THAP8: variants seen among roughly 807,000 people sequenced by gnomAD.
The protein encoded by THAP8 is THAP domain containing 8.
In THAP8, 24 loss-of-function variants were observed where a neutral mutation model predicts 25.0. The ratio of observed to expected loss-of-function variants is 0.96; its 90% confidence interval spans 0.69 to 1.35. The LOEUF (loss-of-function observed/expected upper bound fraction) is 1.35. Among genes scored for constraint, THAP8 ranks in the 40% most tolerant of loss-of-function variants. The pLI is 0.00. For synonymous variants in THAP8, 169 were observed against 157.6 expected (o/e 1.07, Z -0.54); for missense variants, 399 against 368.8 (o/e 1.08, Z -0.67).
At chr19:36,046,936 C>T (rs574702347) in intron 1 of THAP8, among the ~76,000 whole-genome samples, 5 of 152,204 alleles carry the variant, frequency 3.3e-5, no homozygotes, top group African/African-American at 9.6e-5. Context: ...ATGGAAGGGA[C>T]GATCAACAGG....
intron 1 of THAP8, among the ~76,000 whole-genome samples, chr19:36,042,708 T>TC (rs1446260070): frequency 6.6e-6 from 1 of 152,176 alleles, no homozygotes; most frequent in Non-Finnish European, 1.5e-5. Flanking sequence ...TATCAACAGA[T>TC]ACATGGATAA....
chr19:36,052,720 A>G lies in THAP8; in HGVS notation c.83+1415T>C, dbSNP rs148891581. ...TCCTTATCTGAAGCTCCAAACCTGG[A>G]TTGTAAATAGGGACTGCTTTTCTGT... is the stretch of plus-strand genomic sequence containing the variant. On this transcript the variant is annotated intron_variant, in intron 1 of 3. Coordinates refer to ENST00000292894, the MANE Select transcript of THAP8 (RefSeq NM_152658.3). Among the ~76,000 whole-genome samples, 814 of 152,308 alleles carry G rather than the reference A, an allele frequency of 5.3e-3. 7 individuals are homozygous for G. Among genetic ancestry groups the G allele is most frequent in the African/African-American group, 0.018 (742 of 41,570 alleles).
At chr19:36,044,001 G>A (rs577767499) in intron 1 of THAP8, among the ~76,000 whole-genome samples, 3 of 152,064 alleles carry the variant, frequency 2.0e-5, no homozygotes, top group Admixed American at 6.6e-5. Flanking sequence ...TCCGGTTTCC[G>A]GGTGCCACTT....
At chr19:36,037,775 G>A (rs897280744) in intron 3 of THAP8, among the ~76,000 whole-genome samples, 2 of 152,098 alleles carry the variant, frequency 1.3e-5, no homozygotes, top group Admixed American at 6.6e-5. Context: ...GAGTAGCTGG[G>A]ATTACAGACG....
At chr19:36,052,913 A>G (rs1409344883) in intron 1 of THAP8, among the ~76,000 whole-genome samples, 2 of 152,206 alleles carry the variant, frequency 1.3e-5, no homozygotes, top group African/African-American at 4.8e-5. Flanking sequence ...TTACATCTGC[A>G]GTATGTCCAA....
chr19:36,037,235 T>C (rs1019464615), intron 3 of THAP8, among the ~76,000 whole-genome samples: 16 of 114,672 alleles, frequency 1.4e-4, no homozygotes, highest in South Asian at 3.0e-4. Context: ...TTCCTCAACT[T>C]CCTCCCCTAC....
At chr19:36,042,940 T>G (rs12978482) in intron 1 of THAP8, among the ~76,000 whole-genome samples, 43,422 of 151,686 alleles carry the variant, frequency 0.29, 6,479 homozygotes, top group Non-Finnish European at 0.33. Flanking sequence ...CTTATTTATT[T>G]ATTTTTGCGA....
intron 3 of THAP8, among the ~76,000 whole-genome samples, chr19:36,036,421 G>A (rs549204665): frequency 1.3e-5 from 2 of 152,098 alleles, no homozygotes; most frequent in Admixed American, 1.3e-4. Flanking sequence ...AACTATAGGT[G>A]CAACACTTGG....
Position 36,039,938 on chromosome 19 carries a change from G to A in THAP8, c.276+6C>T, listed in dbSNP as rs753040944. 9.3e-6 allele frequency: 15 copies of A among 1,612,298 alleles called. No individual in the cohort carries two copies. Among genetic ancestry groups the A allele is most frequent in the East Asian group, 4.5e-5 (2 of 44,886 alleles). On this transcript the variant is annotated splice_donor_region_variant and intron_variant, in intron 2 of 3. Coordinates refer to ENST00000292894, the MANE Select transcript of THAP8 (RefSeq NM_152658.3). ...GATTCCAGCAGCAGGACCTCCCAGC[G>A]CTCACCTTGGCAGGTGGTCCCCGGG...
rs572417406 is a variant in THAP8 at position 36,052,437 on chromosome 19, TGTCTTCCACAAAACCA to T, written c.83+1682_83+1697del. On this transcript the variant is annotated intron_variant, in intron 1 of 3. Coordinates refer to ENST00000292894, the MANE Select transcript of THAP8 (RefSeq NM_152658.3). ...AACCCTATCCCATCCGTGGAAAAAC[TGTCTTCCACAAAACCA>T]GTCCCTGGTGCCATAAGGGTTGGGG... Among the ~76,000 whole-genome samples, 6 of 152,334 alleles carry T rather than the reference TGTCTTCCACAAAACCA, an allele frequency of 3.9e-5. No individual in the cohort carries two copies. In the South Asian group the frequency reaches 1.2e-3, roughly 32 times the overall value.
At chr19:36,040,255 T>A in intron 1 of THAP8, 119 bp from the exon 2 acceptor site, 2 of 1,042,094 alleles carry the variant, frequency 1.9e-6, no homozygotes, top group Non-Finnish European at 2.7e-6. Flanking sequence ...GGCTAGGAAG[T>A]AGACCTGTCT....
At position 36,039,671 on chromosome 19, in the gene THAP8, A is replaced by G; in HGVS notation, c.324T>C (p.Pro108=). ...RSTQKPVSPP[P]PLQKNTPLPQ... is the part of the protein sequence containing the mutation. ...GCAGGGGTGTATTCTTCTGTAGGGGAGGCGGCGGCGAGACTGGCTTCTGGG... is the reference window on the plus strand; with the variant it reads ...GCAGGGGTGTATTCTTCTGTAGGGGGGGCGGCGGCGAGACTGGCTTCTGGG... The change falls in exon 3 of 4, where the codon CCT becomes CCC. Residue 108 remains proline (P), a synonymous_variant. Coordinates refer to ENST00000292894, the MANE Select transcript of THAP8 (RefSeq NM_152658.3). 1 of 1,524,780 alleles carries G rather than the reference A, an allele frequency of 6.6e-7. No individual in the cohort carries two copies. Among genetic ancestry groups the G allele is most frequent in the Non-Finnish European group, 8.8e-7 (1 of 1,134,816 alleles). The allele number at this position is 1,524,780 out of a possible 1,614,324, so 94.5% of individuals were successfully genotyped here.
upstream of THAP8, chr19:36,054,398 C>T: frequency 1.5e-6 from 1 of 684,324 alleles, no homozygotes; most frequent in Non-Finnish European, 2.5e-6. Flanking sequence ...TCCACAGTGC[C>T]ACAGTCCCGC....
In THAP8 at chr19:36,038,073, T is replaced by C. The variant is rs537252210; in HGVS notation, c.672+1250A>G. On this transcript the variant is annotated intron_variant, in intron 3 of 3. Transcript: ENST00000292894. ...AATTCTCACACCTTAGCCTCCCAAGTAGCTGGGATTACAGGTGCGCCACCA... is the reference window on the plus strand; with the variant it reads ...AATTCTCACACCTTAGCCTCCCAAGCAGCTGGGATTACAGGTGCGCCACCA... Among the ~76,000 whole-genome samples the C allele has an allele frequency of 1.1e-4, 16 of 152,252 alleles. No homozygotes were observed. The South Asian group carries it at 3.3e-3, about 32-fold the overall frequency.
intron 1 of THAP8, among the ~76,000 whole-genome samples, chr19:36,049,249 CAAAA>C (rs994393889): frequency 6.7e-6 from 1 of 149,032 alleles, no homozygotes; most frequent in Non-Finnish European, 1.5e-5. Context: ...ATGAAAAAAA[CAAAA>C]AAAAAGGAGG....
rs540802742 is a variant in THAP8, at chr19:36,040,251, G to A, written c.84-115C>T. On this transcript the variant is annotated intron_variant, in intron 1 of 3. Transcript: ENST00000292894. ...CAAGCCTGTGCCTCCCTAGGGCTAGGAAGTAGACCTGTCTTGTGCCCAGGC... is the reference window on the plus strand; with the variant it reads ...CAAGCCTGTGCCTCCCTAGGGCTAGAAAGTAGACCTGTCTTGTGCCCAGGC... 146 of 1,061,950 alleles carry A rather than the reference G, an allele frequency of 1.4e-4. No individual in the cohort carries two copies. The East Asian group carries it at 3.8e-3, about 27-fold the overall frequency. The allele number at this position is 1,061,950 out of a possible 1,614,324, so 65.8% of individuals were successfully genotyped here.
rs548906392 is a variant in THAP8 at position 36,035,336 on chromosome 19, G to A, written c.*104C>T. The A allele has an allele frequency of 6.9e-6, 10 of 1,440,774 alleles. No individual in the cohort carries two copies. The highest frequency in any genetic ancestry group is 1.4e-5 in the African/African-American group (1 of 70,336). The allele number at this position is 1,440,774 out of a possible 1,614,324, so 89.2% of individuals were successfully genotyped here. On this transcript the variant is annotated 3_prime_UTR_variant, in exon 4 of 4. Transcript: ENST00000292894. ...AACCCAGGCCCTTGAGGGAGGCACT[G>A]CTACTACCCAGGCGTGGGCGGTGGG...
intron 3 of THAP8, 69 bp from the exon 4 acceptor site, chr19:36,035,661 G>A (rs569302410): frequency 4.0e-5 from 63 of 1,565,784 alleles, no homozygotes; most frequent in African/African-American, 5.4e-5. Flanking sequence ...GACAGATAAC[G>A]GTGAGGAACA....
intron 1 of THAP8, among the ~76,000 whole-genome samples, chr19:36,050,512 G>T (rs1199173172): frequency 2.6e-5 from 4 of 152,190 alleles, no homozygotes; most frequent in African/African-American, 9.7e-5. Flanking sequence ...TCTTGTCAAG[G>T]TGTTAGAGAT....
Sources: allele counts gnomAD v4.1 joint callset (sites outside exome capture counted in the v4.1 genomes callset), GRCh38; gene constraint gnomAD v4.1.1; transcripts MANE v1.5; gene names NCBI Gene and HGNC (gene_info 2026-07-23, HGNC 2026-07-21).